The following TNIK variants were observed in gnomAD, a reference collection of about 807,000 sequenced individuals.
TNIK encodes the protein TRAF2 and NCK-interacting protein kinase.
In TNIK, 49 loss-of-function variants were observed where a neutral mutation model predicts 191.3. That is an observed-to-expected ratio of 0.26 (90% CI 0.20 to 0.32). TNIK has a LOEUF of 0.32. Ranked by LOEUF, TNIK falls within the 10% of genes least tolerant of loss-of-function variation. TNIK has a pLI of 1.00. For missense variants in TNIK, 1,155 were observed against 1,702.3 expected, an observed-to-expected ratio of 0.68 and a Z score of 5.66; for synonymous variants, 594 against 600.9, an observed-to-expected ratio of 0.99 and a Z score of 0.17.
intron 18 of TNIK, among the ~76,000 whole-genome samples, chr3:171,115,354 A>G (rs1247746435): frequency 2.0e-5 from 3 of 152,198 alleles, no homozygotes; most frequent in Admixed American, 6.5e-5. Context: ...AGGATTAGGG[A>G]TGGAGGAGAA....
chr3:171,418,257 C>T (rs183158541), intron 1 of TNIK, among the ~76,000 whole-genome samples: 49 of 152,272 alleles, frequency 3.2e-4, no homozygotes, highest in Non-Finnish European at 4.9e-4. Context: ...GCTACCTCTA[C>T]GTATTTTGAG....
intron 22 of TNIK, among the ~76,000 whole-genome samples, chr3:171,095,018 A>G (rs954015262): frequency 1.3e-5 from 2 of 152,196 alleles, no homozygotes; most frequent in East Asian, 1.9e-4. Flanking sequence ...AATATCTACT[A>G]AGAACATTCT....
Position 171,131,262 on chromosome 3 carries a change from C to T in TNIK, c.1609-2384G>A, listed in dbSNP as rs544246803. Among the ~76,000 whole-genome samples the T allele has an allele frequency of 7.5e-5, 10 of 133,718 alleles. No individual in the cohort carries two copies. The South Asian group carries it at 2.3e-3, about 31-fold the overall frequency. 87.7% of individuals were successfully genotyped at this position (133,718 alleles called of 152,430 possible). A position where few individuals can be genotyped will look rare whatever the true frequency, so the allele number is the denominator to read the frequency against. On this transcript the variant is annotated intron_variant, in intron 15 of 32. Coordinates refer to ENST00000436636, the MANE Select transcript of TNIK (RefSeq NM_015028.4). ...CTGAGGCAGGAGAATGGCGTGAACC[C>T]GGGAGGCGGAGCTTGCAGTGAGCCG...
chr3:171,413,885 G>A (rs1722720894), intron 1 of TNIK, among the ~76,000 whole-genome samples: 1 of 152,130 alleles, frequency 6.6e-6, no homozygotes, highest in African/African-American at 2.4e-5. Flanking sequence ...TGTCAAATGG[G>A]ATTATAATTG....
intron 12 of TNIK, among the ~76,000 whole-genome samples, chr3:171,154,483 C>T (rs1032164958): frequency 6.6e-6 from 1 of 151,990 alleles, no homozygotes; most frequent in African/African-American, 2.4e-5. Context: ...GCACGCTCCC[C>T]AAAATGAAAG....
At chr3:171,328,667 T>A (rs1468761549) in intron 2 of TNIK, among the ~76,000 whole-genome samples, 1 of 152,140 alleles carries the variant, frequency 6.6e-6, no homozygotes, top group Non-Finnish European at 1.5e-5. Flanking sequence ...TACCTACCAG[T>A]GAGAAGGATT....
chr3:171,376,555 C>T (rs924216235), intron 1 of TNIK, among the ~76,000 whole-genome samples: 1 of 152,032 alleles, frequency 6.6e-6, no homozygotes, highest in African/African-American at 2.4e-5. Flanking sequence ...ACTTACTACA[C>T]GTACATAGTG....
intron 2 of TNIK, among the ~76,000 whole-genome samples, chr3:171,344,143 G>A (rs1711764578): frequency 6.6e-6 from 1 of 151,926 alleles, no homozygotes; most frequent in Non-Finnish European, 1.5e-5. Context: ...CCCATATCTT[G>A]CCCCTGTTTG....
intron 2 of TNIK, among the ~76,000 whole-genome samples, chr3:171,258,950 C>T (rs1747244422): frequency 6.6e-6 from 1 of 152,162 alleles, no homozygotes; most frequent in South Asian, 2.1e-4. Flanking sequence ...TGCGCGCACA[C>T]ACACGCAAAC....
At position 171,167,145 on chromosome 3, in the gene TNIK, A is replaced by T. The variant is rs1310960900; in HGVS notation, c.899T>A (p.Ile300Asn). The stretch of plus-strand genomic sequence containing the variant: ...TCTATCAATATGGTCCTTGAGTTGA[A>T]TGCGGACCTGTCGCTCATTAGGTTG... The part of the protein sequence containing the change: ...RDQPNERQVR[I>N]QLKDHIDRTK... The change falls in exon 10 of 33, where the codon ATT becomes AAT. Residue 300 changes from isoleucine (I) to asparagine (N), a missense_variant. By Grantham distance (149) the Ile-to-Asn change is moderately radical. Around this residue, in one of 3 missense-constraint regions of TNIK, gnomAD observed 225 missense variants for 438.9 expected, o/e 0.51. Transcript: ENST00000436636. 6.2e-7 allele frequency: 1 copy of T among 1,613,920 alleles called. No homozygotes were observed. Among genetic ancestry groups the T allele is most frequent in the East Asian group, 2.2e-5 (1 of 44,882 alleles).
At chr3:171,079,763 A>T (rs1011101244) in intron 27 of TNIK, 111 bp from the exon 28 acceptor site, 31 of 1,123,232 alleles carry the variant, frequency 2.8e-5, no homozygotes, top group Non-Finnish European at 3.6e-5. Context: ...GTGTGTGTGT[A>T]TGAAGGCATA....
At chr3:171,329,103 T>C (rs542027099) in intron 2 of TNIK, among the ~76,000 whole-genome samples, 16 of 152,092 alleles carry the variant, frequency 1.1e-4, no homozygotes, top group African/African-American at 3.6e-4. Flanking sequence ...CACACACACA[T>C]ACACACACTC....
chr3:171,164,194 GAACA>G (rs1300928954), intron 10 of TNIK, among the ~76,000 whole-genome samples: 7 of 152,266 alleles, frequency 4.6e-5, no homozygotes, highest in South Asian at 4.1e-4. Flanking sequence ...ACTCTGCAGA[GAACA>G]AACACATTAA....
intron 2 of TNIK, among the ~76,000 whole-genome samples, chr3:171,358,933 A>C (rs1289214485): frequency 6.6e-6 from 1 of 152,130 alleles, no homozygotes; most frequent in African/African-American, 2.4e-5. Flanking sequence ...TTAAACAGAG[A>C]TCAGGGCATG....
intron 24 of TNIK, among the ~76,000 whole-genome samples, chr3:171,086,397 C>T (rs1394437631): frequency 6.6e-6 from 1 of 152,188 alleles, no homozygotes; most frequent in African/African-American, 2.4e-5. Context: ...ACTAACATTT[C>T]CACATAGAGC....
intron 16 of TNIK, among the ~76,000 whole-genome samples, chr3:171,127,724 T>G (rs1385311019): frequency 6.6e-6 from 1 of 152,222 alleles, no homozygotes; most frequent in Non-Finnish European, 1.5e-5. Flanking sequence ...AAGAGGAAGA[T>G]ATGCCAAGCT....
At chr3:171,319,680 T>C (rs1754984930) in intron 2 of TNIK, among the ~76,000 whole-genome samples, 1 of 152,192 alleles carries the variant, frequency 6.6e-6, no homozygotes, top group Non-Finnish European at 1.5e-5. Context: ...ATCAAGTTTG[T>C]TAAAATTCCT....
At chr3:171,210,884 T>C (rs1348373856) in intron 4 of TNIK, among the ~76,000 whole-genome samples, 1 of 147,338 alleles carries the variant, frequency 6.8e-6, no homozygotes, top group African/African-American at 2.5e-5. Context: ...AACTTAACAA[T>C]TGGCTTTGGG....
chr3:171,199,018 C>T (rs1202278091), intron 4 of TNIK, among the ~76,000 whole-genome samples: 2 of 151,928 alleles, frequency 1.3e-5, no homozygotes, highest in Admixed American at 6.6e-5. Context: ...CCCAGTGACT[C>T]GAGTCTTTCA....
Sources: allele counts gnomAD v4.1 joint callset (sites outside exome capture counted in the v4.1 genomes callset), GRCh38; gene constraint gnomAD v4.1.1; regional missense constraint gnomAD v4.1.1; transcripts MANE v1.5; gene names NCBI Gene and HGNC (gene_info 2026-07-23, HGNC 2026-07-21).